Variants in SLMAP observed in about 807,000 individuals in gnomAD.
The protein encoded by SLMAP is sarcolemma associated protein, also known as sarcolemmal membrane-associated protein.
A neutral mutation model predicts 128.8 loss-of-function variants in SLMAP; 44 were observed. That is an observed-to-expected ratio of 0.34 (90% CI 0.27 to 0.44). The LOEUF is 0.44. Ranked by LOEUF, SLMAP falls within the 20% of genes least tolerant of loss-of-function variation. SLMAP has a pLI of 1.00. For synonymous variants in SLMAP, 327 were observed against 348.8 expected (o/e 0.94, Z 0.70); for missense variants, 787 against 985.3 (o/e 0.80, Z 2.69).
chr3:57,787,498 A>C (rs2084467084), intron 2 of SLMAP, among the ~76,000 whole-genome samples: 1 of 152,028 alleles, frequency 6.6e-6, no homozygotes, highest in Non-Finnish European at 1.5e-5. Flanking sequence ...CTTTTTTGAG[A>C]CAGAGTCTCA....
intron 2 of SLMAP, among the ~76,000 whole-genome samples, chr3:57,771,118 A>G (rs2080759998): frequency 6.7e-6 from 1 of 148,890 alleles, no homozygotes; most frequent in Non-Finnish European, 1.5e-5. Context: ...CCTCTCCTGT[A>G]TGCTGCTCCT....
chr3:57,921,539 T>A (rs2096918561), intron 22 of SLMAP, among the ~76,000 whole-genome samples: 1 of 151,856 alleles, frequency 6.6e-6, no homozygotes. Flanking sequence ...AGCAGGAGAA[T>A]CACTTGAACC....
intron 14 of SLMAP, 25 bp downstream of exon 14, chr3:57,871,723 T>G: frequency 6.4e-7 from 1 of 1,555,866 alleles, no homozygotes; most frequent in Non-Finnish European, 8.9e-7. Context: ...TTTTTCACAT[T>G]GATTTTAATG....
intron 15 of SLMAP, 73 bp downstream of exon 15, chr3:57,890,173 T>C: frequency 6.9e-7 from 1 of 1,454,830 alleles, no homozygotes; most frequent in Non-Finnish European, 9.6e-7. Flanking sequence ...TTTTCAAGGT[T>C]ATAGTATTTT....
chr3:57,870,319 C>A (rs1227870519), intron 13 of SLMAP, among the ~76,000 whole-genome samples: 1 of 152,006 alleles, frequency 6.6e-6, no homozygotes, highest in Non-Finnish European at 1.5e-5. Flanking sequence ...TTTGCTTTTC[C>A]TGGATCCAGT....
At chr3:57,780,191 T>C (rs2082740352) in intron 2 of SLMAP, among the ~76,000 whole-genome samples, 1 of 151,240 alleles carries the variant, frequency 6.6e-6, no homozygotes, top group South Asian at 2.1e-4. Context: ...CTGTTGCCCA[T>C]GCTGGAGTGC....
In SLMAP at chr3:57,906,310, C is replaced by CTTTT. The variant is rs999042505; in HGVS notation, c.1502-1555_1502-1552dup. Among the ~76,000 whole-genome samples the CTTTT allele has an allele frequency of 4.0e-3, 187 of 46,998 alleles. 29 individuals are homozygous for CTTTT. Among genetic ancestry groups the CTTTT allele is most frequent in the East Asian group, 8.8e-3 (9 of 1,022 alleles). The allele number at this position is 46,998 out of a possible 152,430, so 30.8% of individuals were successfully genotyped here. A position where few individuals can be genotyped will look rare whatever the true frequency, so the allele number is the denominator to read the frequency against. On this transcript the variant is annotated intron_variant, in intron 17 of 24. Coordinates refer to ENST00000671191, the MANE Select transcript of SLMAP (RefSeq NM_001377540.1). ...GAATCAAATTTTTTTCTTTTTTTTT[C>CTTTT]TTTTTTTTTTTTTTTTTTTTTTAGA...
intron 2 of SLMAP, among the ~76,000 whole-genome samples, chr3:57,828,061 G>A (rs888933084): frequency 3.9e-5 from 6 of 152,186 alleles, no homozygotes; most frequent in Non-Finnish European, 2.9e-5. Flanking sequence ...CAATTCTCCT[G>A]TCTCAGCCCC....
intron 2 of SLMAP, among the ~76,000 whole-genome samples, chr3:57,804,736 C>A (rs1269488150): frequency 2.6e-5 from 4 of 151,832 alleles, no homozygotes; most frequent in Non-Finnish European, 4.4e-5. Context: ...CAGAGTGAAG[C>A]CCTGAATCAA....
chr3:57,821,523 G>C (rs908145691), intron 2 of SLMAP, among the ~76,000 whole-genome samples: 5 of 152,136 alleles, frequency 3.3e-5, no homozygotes, highest in African/African-American at 1.2e-4. Context: ...GTGATGCTTT[G>C]TTAGCCAGGA....
At chr3:57,914,939 G>A (rs1576343620) in intron 21 of SLMAP, among the ~76,000 whole-genome samples, 1 of 149,010 alleles carries the variant, frequency 6.7e-6, no homozygotes, top group South Asian at 2.1e-4. Context: ...AGGCTGGAGT[G>A]CAGTGGCATG....
At chr3:57,827,719 GGAAA>G (rs938271764) in intron 2 of SLMAP, among the ~76,000 whole-genome samples, 1 of 152,066 alleles carries the variant, frequency 6.6e-6, no homozygotes, top group African/African-American at 2.4e-5. Context: ...TAGGCTACTG[GGAAA>G]GAAAGATAGT....
At chr3:57,812,456 G>C (rs541841778) in intron 2 of SLMAP, among the ~76,000 whole-genome samples, 1 of 152,106 alleles carries the variant, frequency 6.6e-6, no homozygotes, top group Non-Finnish European at 1.5e-5. Flanking sequence ...CTGTCTGTAT[G>C]CCGGTACCAT....
intron 4 of SLMAP, among the ~76,000 whole-genome samples, chr3:57,843,836 G>A (rs115660959): frequency 0.023 from 3,049 of 133,236 alleles, 51 homozygotes; most frequent in Non-Finnish European, 0.038. Flanking sequence ...GCTGGAGTGC[G>A]GTGGGATGAT....
At chr3:57,789,557 G>A (rs2084985720) in intron 2 of SLMAP, among the ~76,000 whole-genome samples, 1 of 152,102 alleles carries the variant, frequency 6.6e-6, no homozygotes, top group African/African-American at 2.4e-5. Context: ...AACTGACTTA[G>A]CAAGGTTCTT....
At chr3:57,884,167 G>A (rs758159472) in intron 14 of SLMAP, among the ~76,000 whole-genome samples, 10 of 152,162 alleles carry the variant, frequency 6.6e-5, no homozygotes, top group African/African-American at 1.7e-4. Flanking sequence ...GGGCTCAAGC[G>A]ATCTGCCTGC....
intron 6 of SLMAP, among the ~76,000 whole-genome samples, chr3:57,855,763 G>A (rs975101202): frequency 6.6e-6 from 1 of 151,378 alleles, no homozygotes; most frequent in Admixed American, 6.6e-5. Flanking sequence ...TTAGCTGGAG[G>A]TTGGGTGCGG....
chr3:57,777,221 C>T (rs1001657327), intron 2 of SLMAP, among the ~76,000 whole-genome samples: 2 of 151,538 alleles, frequency 1.3e-5, no homozygotes, highest in African/African-American at 4.9e-5. Flanking sequence ...GCACATTGTG[C>T]ACATGTACCC....
intron 2 of SLMAP, among the ~76,000 whole-genome samples, chr3:57,762,486 A>G (rs979714970): frequency 6.6e-6 from 1 of 152,160 alleles, no homozygotes; most frequent in African/African-American, 2.4e-5. Flanking sequence ...TCTAAGTGAC[A>G]CTTTTTAATG....
Sources: gnomAD v4.1 joint callset for allele counts (sites outside exome capture counted in the v4.1 genomes callset) on GRCh38, gnomAD v4.1.1 for gene constraint, MANE v1.5 for transcripts, NCBI Gene and HGNC (gene_info 2026-07-23, HGNC 2026-07-21) for gene names.